The following PDZRN4 variants were observed in gnomAD, a reference collection of about 807,000 sequenced individuals.
PDZRN4 encodes PDZ domain containing ring finger 4, also known as PDZ domain-containing RING finger protein 4.
A neutral mutation model predicts 99.0 loss-of-function variants in PDZRN4; 70 were observed. The observed-to-expected ratio is 0.71, with a 90% CI of 0.58 to 0.86. The LOEUF is 0.86. Ranked by LOEUF, PDZRN4 falls within the 40% of genes least tolerant of loss-of-function variation. PDZRN4 has a pLI of 0.00. For synonymous variants in PDZRN4, 551 were observed against 501.6 expected, an observed-to-expected ratio of 1.10 and a Z score of -1.32; for missense variants, 1,474 against 1,331.2, an observed-to-expected ratio of 1.11 and a Z score of -1.67.
chr12:41,405,550 AG>A (rs1253539045), intron 3 of PDZRN4, among the ~76,000 whole-genome samples: 3 of 152,230 alleles, frequency 2.0e-5, no homozygotes, highest in Non-Finnish European at 4.4e-5. Context: ...GATTTCTCAA[AG>A]AACTGAAAAC....
At chr12:41,465,064 A>T (rs1390115065) in intron 3 of PDZRN4, among the ~76,000 whole-genome samples, 1 of 152,088 alleles carries the variant, frequency 6.6e-6, no homozygotes, top group Non-Finnish European at 1.5e-5. Context: ...ACCTCCAGTG[A>T]TCTGCCCACC....
chr12:41,435,331 G>T (rs1329416867), intron 3 of PDZRN4, among the ~76,000 whole-genome samples: 1 of 152,164 alleles, frequency 6.6e-6, no homozygotes, highest in South Asian at 2.1e-4. Context: ...AGAGAAGAGA[G>T]CTCCAATAAG....
chr12:41,542,472 C>G (rs143423117), intron 5 of PDZRN4, among the ~76,000 whole-genome samples: 143 of 152,332 alleles, frequency 9.4e-4, no homozygotes, highest in African/African-American at 3.3e-3. Flanking sequence ...AAACGAAGCT[C>G]TCCACCTTGT....
intron 3 of PDZRN4, among the ~76,000 whole-genome samples, chr12:41,288,479 G>A (rs1951435185): frequency 3.3e-5 from 5 of 152,146 alleles, no homozygotes. Flanking sequence ...ATTGCCTGGA[G>A]TGGCTGATTT....
intron 3 of PDZRN4, among the ~76,000 whole-genome samples, chr12:41,390,959 T>C (rs770598782): frequency 3.9e-5 from 6 of 152,150 alleles, no homozygotes; most frequent in Non-Finnish European, 8.8e-5. Flanking sequence ...CTGTGCAAAT[T>C]CTGGACTACA....
In PDZRN4 at chr12:41,572,826, A is replaced by T. The variant is rs751570104; in HGVS notation, c.2047A>T (p.Ile683Phe). The change falls in exon 10 of 10, where the codon ATC (isoleucine) becomes TTC (phenylalanine). Residue 683 changes from isoleucine to phenylalanine, a missense_variant. Coordinates refer to ENST00000402685, the MANE Select transcript of PDZRN4 (RefSeq NM_001164595.2). ...AAACATTGAGCTTGAGTGTCAGAAT[A>T]TCATGCAGGCTCACAGGCTCCAGAA... Reference protein sequence around the residue: ...LRNIELECQNIMQAHRLQKVT... With the variant: ...LRNIELECQNFMQAHRLQKVT... The T allele has an allele frequency of 2.4e-5, 39 of 1,614,168 alleles. No individual in the cohort carries two copies. Among genetic ancestry groups the T allele is most frequent in the Non-Finnish European group, 3.3e-5 (39 of 1,179,996 alleles).
intron 5 of PDZRN4, among the ~76,000 whole-genome samples, chr12:41,538,360 C>T (rs1938785201): frequency 6.6e-6 from 1 of 152,072 alleles, no homozygotes; most frequent in Admixed American, 6.6e-5. Context: ...TCATAAAATT[C>T]ATTGTTTAGA....
chr12:41,406,533 T>G (rs971342531), intron 3 of PDZRN4, among the ~76,000 whole-genome samples: 3 of 152,164 alleles, frequency 2.0e-5, no homozygotes, highest in African/African-American at 7.2e-5. Context: ...ATCTGTTGAA[T>G]GTGAACCCCA....
At chr12:41,478,889 CAT>C (rs2120592279) in intron 3 of PDZRN4, among the ~76,000 whole-genome samples, 1 of 152,206 alleles carries the variant, frequency 6.6e-6, no homozygotes, top group East Asian at 1.9e-4. Context: ...CAGAAACACA[CAT>C]AAAATGACAA....
intron 3 of PDZRN4, among the ~76,000 whole-genome samples, chr12:41,224,735 C>G (rs1395921412): frequency 1.3e-5 from 2 of 152,136 alleles, no homozygotes; most frequent in African/African-American, 4.8e-5. Flanking sequence ...AAATTCCTGA[C>G]TCTTAATTCA....
intron 3 of PDZRN4, among the ~76,000 whole-genome samples, chr12:41,237,358 G>A (rs186921994): frequency 3.3e-5 from 5 of 152,128 alleles, no homozygotes; most frequent in East Asian, 1.9e-4. Flanking sequence ...ATATGGGCAC[G>A]TTTGTAGCAA....
At chr12:41,497,715 T>C (rs992887559) in intron 3 of PDZRN4, among the ~76,000 whole-genome samples, 1 of 152,164 alleles carries the variant, frequency 6.6e-6, no homozygotes, top group Non-Finnish European at 1.5e-5. Context: ...ATTCAGTAGA[T>C]GAATTATTAT....
At chr12:41,473,703 T>C (rs1012249733) in intron 3 of PDZRN4, among the ~76,000 whole-genome samples, 1 of 152,200 alleles carries the variant, frequency 6.6e-6, no homozygotes, top group Non-Finnish European at 1.5e-5. Context: ...CACCTGTCTC[T>C]ATCCCCACCC....
intron 3 of PDZRN4, among the ~76,000 whole-genome samples, chr12:41,409,042 G>A (rs1952372107): frequency 6.6e-6 from 1 of 152,000 alleles, no homozygotes; most frequent in Non-Finnish European, 1.5e-5. Flanking sequence ...TTACTGTTAT[G>A]GAATGCATTT....
At chr12:41,267,416 G>C (rs1282164631) in intron 3 of PDZRN4, among the ~76,000 whole-genome samples, 1 of 152,062 alleles carries the variant, frequency 6.6e-6, no homozygotes, top group Non-Finnish European at 1.5e-5. Flanking sequence ...AGAAAAAAAA[G>C]ACAAAGGTAA....
chr12:41,355,595 A>G (rs531979398), intron 3 of PDZRN4, among the ~76,000 whole-genome samples: 68 of 152,242 alleles, frequency 4.5e-4, no homozygotes, highest in African/African-American at 1.5e-3. Context: ...ATATGCATTC[A>G]GTTTTTAACA....
chr12:41,208,100 T>G (rs1950863482), intron 3 of PDZRN4, among the ~76,000 whole-genome samples: 1 of 151,904 alleles, frequency 6.6e-6, no homozygotes, highest in Non-Finnish European at 1.5e-5. Flanking sequence ...GTGTCCTGTC[T>G]TTTGTGTGTT....
intron 3 of PDZRN4, among the ~76,000 whole-genome samples, chr12:41,300,188 A>G (rs927300099): frequency 6.6e-6 from 1 of 151,966 alleles, no homozygotes; most frequent in Admixed American, 6.6e-5. Flanking sequence ...GCTTTTGCAT[A>G]GCTCTTTTAG....
chr12:41,244,571 T>C (rs1292143311), intron 3 of PDZRN4, among the ~76,000 whole-genome samples: 1 of 152,022 alleles, frequency 6.6e-6, no homozygotes, highest in Non-Finnish European at 1.5e-5. Context: ...ACCAGAACAC[T>C]TCCTGTTCCT....
Sources: allele counts gnomAD v4.1 joint callset (sites outside exome capture counted in the v4.1 genomes callset), GRCh38; gene constraint gnomAD v4.1.1; transcripts MANE v1.5; gene names NCBI Gene and HGNC (gene_info 2026-07-23, HGNC 2026-07-21).